Variants in ADGRL3 observed in about 807,000 individuals in gnomAD.
ADGRL3 encodes adhesion G protein-coupled receptor L3.
ADGRL3 carries 62 observed loss-of-function variants against 153.5 expected under a neutral mutation model. That is an observed-to-expected ratio of 0.40 (90% CI 0.33 to 0.50). The LOEUF (loss-of-function observed/expected upper bound fraction) is 0.50. Among genes scored for constraint, ADGRL3 ranks in the 20% least tolerant of loss-of-function variants. The probability of loss-of-function intolerance (pLI) is 0.47; values close to 1 mark genes in which losing one functional copy is unlikely to be tolerated. For missense variants in ADGRL3, 1,641 were observed against 1,859.4 expected (o/e 0.88, Z 2.16); for synonymous variants, 710 against 672.5 (o/e 1.06, Z -0.86).
chr4:61,281,680 A>G (rs554135447), intron 1 of ADGRL3, among the ~76,000 whole-genome samples: 2 of 152,244 alleles, frequency 1.3e-5, no homozygotes, highest in South Asian at 2.1e-4. Flanking sequence ...AAAGTAAATC[A>G]GTAGAATTTC....
intron 6 of ADGRL3, among the ~76,000 whole-genome samples, chr4:61,712,094 G>T (rs888665296): frequency 6.6e-6 from 1 of 152,024 alleles, no homozygotes; most frequent in African/African-American, 2.4e-5. Context: ...TAGCATCTTG[G>T]TTAGAAAGGA....
intron 11 of ADGRL3, among the ~76,000 whole-genome samples, chr4:61,896,440 G>A (rs924681069): frequency 3.3e-5 from 5 of 151,988 alleles, no homozygotes; most frequent in Admixed American, 6.6e-5. Context: ...CAATTTATGT[G>A]GATTTATGCA....
At chr4:61,925,051 G>A (rs1054588297) in intron 13 of ADGRL3, among the ~76,000 whole-genome samples, 2 of 152,168 alleles carry the variant, frequency 1.3e-5, no homozygotes, top group African/African-American at 2.4e-5. Context: ...TAAATGTCCC[G>A]CTTTGAAGTA....
intron 1 of ADGRL3, among the ~76,000 whole-genome samples, chr4:61,309,062 G>A (rs2094906138): frequency 6.6e-6 from 1 of 152,122 alleles, no homozygotes; most frequent in African/African-American, 2.4e-5. Context: ...TGATTTTAAG[G>A]TAAGTTTCAA....
chr4:61,912,695 AATC>A (rs1344446614), intron 12 of ADGRL3, 21 bp from the exon 13 acceptor site: 1 of 1,609,970 alleles, frequency 6.2e-7, no homozygotes, highest in Non-Finnish European at 8.5e-7. Context: ...TTCTGTGTTT[AATC>A]TGCTGTCTTA....
intron 4 of ADGRL3, among the ~76,000 whole-genome samples, chr4:61,532,621 G>A (rs2098629891): frequency 6.7e-6 from 1 of 149,182 alleles, no homozygotes; most frequent in South Asian, 2.2e-4. Flanking sequence ...AAATCCAGCT[G>A]TTTGGTCAGA....
chr4:61,409,247 T>A (rs1324835742), intron 2 of ADGRL3, among the ~76,000 whole-genome samples: 1 of 144,056 alleles, frequency 6.9e-6, no homozygotes, highest in Non-Finnish European at 1.5e-5. Flanking sequence ...TAGACATACA[T>A]AATATATATT....
intron 1 of ADGRL3, among the ~76,000 whole-genome samples, chr4:61,206,717 T>G (rs1043973893): frequency 5.3e-5 from 8 of 152,136 alleles, no homozygotes; most frequent in Non-Finnish European, 1.0e-4. Context: ...TGCAGTGGCT[T>G]ACACCTCTAA....
intron 25 of ADGRL3, among the ~76,000 whole-genome samples, chr4:62,052,417 T>G (rs993755855): frequency 1.3e-5 from 2 of 151,642 alleles, no homozygotes; most frequent in African/African-American, 2.4e-5. Flanking sequence ...TTTATTTTGT[T>G]CTAAGCACAG....
intron 1 of ADGRL3, among the ~76,000 whole-genome samples, chr4:61,267,824 T>C (rs1419183172): frequency 1.9e-5 from 1 of 53,754 alleles, no homozygotes; most frequent in African/African-American, 6.8e-5. Flanking sequence ...AGAGTTTTAG[T>C]TGACTTCACT....
chr4:61,277,856 A>T (rs1213753592), intron 1 of ADGRL3, among the ~76,000 whole-genome samples: 2 of 152,190 alleles, frequency 1.3e-5, no homozygotes, highest in African/African-American at 2.4e-5. Context: ...TTCATATTAG[A>T]CCTAGCAATG....
chr4:61,318,123 G>GCCGTAGGTTGCAGTGAT (rs1176023867), intron 1 of ADGRL3, among the ~76,000 whole-genome samples: 3 of 144,870 alleles, frequency 2.1e-5, no homozygotes, highest in African/African-American at 7.7e-5. Flanking sequence ...GTTGCAGTGA[G>GCCGTAGGTTGCAGTGAT]CCAAAGGTTG....
intron 17 of ADGRL3, among the ~76,000 whole-genome samples, chr4:61,959,420 T>C (rs1053695334): frequency 7.9e-5 from 12 of 152,194 alleles, no homozygotes; most frequent in Non-Finnish European, 1.6e-4. Context: ...TTAAAAGACT[T>C]CACTTTCTTT....
intron 1 of ADGRL3, among the ~76,000 whole-genome samples, chr4:61,276,833 G>A (rs2093483190): frequency 6.6e-6 from 1 of 151,812 alleles, no homozygotes; most frequent in Non-Finnish European, 1.5e-5. Context: ...CTCATATTGT[G>A]CTCATCTGAA....
chr4:61,981,019 A>G (rs2099066484), intron 18 of ADGRL3, among the ~76,000 whole-genome samples: 1 of 152,178 alleles, frequency 6.6e-6, no homozygotes, highest in Non-Finnish European at 1.5e-5. Flanking sequence ...TGTGGATCAC[A>G]TGGTAAGAGT....
chr4:61,529,844 T>C (rs1212907216), intron 4 of ADGRL3, among the ~76,000 whole-genome samples: 2 of 152,106 alleles, frequency 1.3e-5, no homozygotes, highest in African/African-American at 2.4e-5. Flanking sequence ...TTTAAGACAT[T>C]ATGACCATAG....
At chr4:61,792,125 T>A (rs142270432) in intron 8 of ADGRL3, among the ~76,000 whole-genome samples, 1 of 152,336 alleles carries the variant, frequency 6.6e-6, no homozygotes, top group Non-Finnish European at 1.5e-5. Context: ...TCTATCACAT[T>A]GTCAGGCTGC....
chr4:62,059,558 G>A (rs1042197131), intron 25 of ADGRL3, among the ~76,000 whole-genome samples: 3 of 152,088 alleles, frequency 2.0e-5, no homozygotes, highest in African/African-American at 2.4e-5. Flanking sequence ...GGAGGGACAT[G>A]CATTTTCCTT....
chr4:61,993,957 G>A (rs1043343411), intron 19 of ADGRL3, among the ~76,000 whole-genome samples: 11 of 152,130 alleles, frequency 7.2e-5, no homozygotes, highest in East Asian at 3.9e-4. Context: ...TTAACTGAGC[G>A]TTGATTGCTT....
Sources: gnomAD v4.1 joint callset for allele counts (sites outside exome capture counted in the v4.1 genomes callset) on GRCh38, gnomAD v4.1.1 for gene constraint, MANE v1.5 for transcripts, NCBI Gene and HGNC (gene_info 2026-07-23, HGNC 2026-07-21) for gene names.